Variants in RAD54L2 observed in about 807,000 individuals in gnomAD.
RAD54L2 encodes the protein helicase ARIP4.
A neutral mutation model predicts 138.4 loss-of-function variants in RAD54L2; 27 were observed. The ratio of observed to expected loss-of-function variants is 0.20; its 90% CI spans 0.14 to 0.27. The LOEUF (loss-of-function observed/expected upper bound fraction) is 0.27, where lower values mean the gene tolerates loss of function less well. Among genes scored for constraint, RAD54L2 ranks in the 10% least tolerant of loss-of-function variants. The pLI is 1.00. For synonymous variants in RAD54L2, 644 were observed against 723.2 expected (o/e 0.89, Z 1.76); for missense variants, 1,396 against 1,890.2 (o/e 0.74, Z 4.85).
chr3:51,621,518 C>CT (rs1171056496), intron 3 of RAD54L2, among the ~76,000 whole-genome samples: 1 of 152,188 alleles, frequency 6.6e-6, no homozygotes, highest in Non-Finnish European at 1.5e-5. Flanking sequence ...AGGTTCCATT[C>CT]TTTCTCCTCC....
intron 4 of RAD54L2, among the ~76,000 whole-genome samples, chr3:51,629,083 C>A (rs183391073): frequency 6.6e-6 from 1 of 152,226 alleles, no homozygotes; most frequent in Non-Finnish European, 1.5e-5. Flanking sequence ...TATTCTTGAT[C>A]TGTTATGTGG....
rs145704522 is a variant in RAD54L2, at chr3:51,588,493, C to T, written c.-54-1874C>T. 6.0e-4 allele frequency among the ~76,000 whole-genome samples: 85 copies of T among 141,958 alleles called. 1 individual carries two copies. Among genetic ancestry groups the T allele is most frequent in the African/African-American group, 1.5e-3 (58 of 39,282 alleles). 93.1% of individuals were successfully genotyped at this position (141,958 alleles called of 152,430 possible). On this transcript the variant is annotated intron_variant, in intron 2 of 22. Transcript: ENST00000684192. Reference sequence around the variant, plus strand: ...GAGGTTGCAGTGAGCTGAGATCGTGCCACTGCATGCCAGCCTGGGTGACAG... The same window carrying T: ...GAGGTTGCAGTGAGCTGAGATCGTGTCACTGCATGCCAGCCTGGGTGACAG...
rs962950198 is a variant in RAD54L2 at position 51,538,810 on chromosome 3, C to T, written c.-222C>T. On this transcript the variant is annotated 5_prime_UTR_variant, in exon 1 of 23. Coordinates refer to ENST00000684192, the MANE Select transcript of RAD54L2 (RefSeq NM_015106.4). ...GGCCGGCTGCTTCCCGCCTCAGCCG[C>T]CGCCCCCGCCTCCGCCGCCGCAGAC... Among the ~76,000 whole-genome samples the T allele has an allele frequency of 6.6e-6, 1 of 151,878 alleles. No homozygotes were observed. The highest frequency in any genetic ancestry group is 1.5e-5 in the Non-Finnish European group (1 of 67,916).
At position 51,571,723 on chromosome 3, in the gene RAD54L2, C is replaced by T. The variant is rs1699342135; in HGVS notation, c.-54-18644C>T. 2.0e-5 allele frequency among the ~76,000 whole-genome samples: 3 copies of T among 152,124 alleles called. No homozygotes were observed. The South Asian group carries it at 6.2e-4, about 32-fold the overall frequency. On this transcript the variant is annotated intron_variant, in intron 2 of 22. Transcript: ENST00000684192. Reference sequence around the variant, plus strand: ...GGACATGCATAGTCGGTTATGTGTACATGTACGCATGCACACGCACATGGC... The same window carrying T: ...GGACATGCATAGTCGGTTATGTGTATATGTACGCATGCACACGCACATGGC...
At position 51,657,969 on chromosome 3, in the gene RAD54L2, G is replaced by C. The variant is rs1374618149; in HGVS notation, c.3316+300G>C. On this transcript the variant is annotated intron_variant, in intron 21 of 22. Transcript: ENST00000684192. ...GAGATGGAGTCTTGCTCTGTCGCCAGGCTGGAGTGCAGTTGCGTGATCTCG... is the reference window on the plus strand; with the variant it reads ...GAGATGGAGTCTTGCTCTGTCGCCACGCTGGAGTGCAGTTGCGTGATCTCG... Among the ~76,000 whole-genome samples the C allele has an allele frequency of 3.8e-5, 5 of 132,786 alleles. No individual in the cohort carries two copies. The East Asian group carries it at 7.2e-4, about 19-fold the overall frequency. 87.1% of individuals were successfully genotyped at this position (132,786 alleles called of 152,430 possible). A position where few individuals can be genotyped will look rare whatever the true frequency, so the allele number is the denominator to read the frequency against.
intron 3 of RAD54L2, among the ~76,000 whole-genome samples, chr3:51,612,704 A>G (rs1466207033): frequency 6.6e-6 from 1 of 152,098 alleles, no homozygotes; most frequent in African/African-American, 2.4e-5. Context: ...AAAAAAAAAA[A>G]AAAAACCTGT....
intron 2 of RAD54L2, among the ~76,000 whole-genome samples, chr3:51,556,201 T>C (rs1325795904): frequency 1.3e-5 from 2 of 152,174 alleles, no homozygotes; most frequent in African/African-American, 4.8e-5. Context: ...CCTTCTTCTT[T>C]CTGTCCTCCT....
intron 5 of RAD54L2, 24 bp downstream of exon 5, chr3:51,629,497 A>G (rs1577438958): frequency 6.2e-7 from 1 of 1,609,186 alleles, no homozygotes; most frequent in Non-Finnish European, 8.5e-7. Context: ...ATGGCAGGGA[A>G]GGCCCTTTGC....
intron 19 of RAD54L2, among the ~76,000 whole-genome samples, chr3:51,648,679 C>T (rs569361109): frequency 1.1e-4 from 17 of 152,300 alleles, no homozygotes; most frequent in African/African-American, 3.4e-4. Context: ...TGGAGTGGAC[C>T]TCCAGCAAAC....
intron 3 of RAD54L2, among the ~76,000 whole-genome samples, chr3:51,604,449 C>A (rs62259675): frequency 6.6e-6 from 1 of 151,014 alleles, no homozygotes; most frequent in Non-Finnish European, 1.5e-5. Flanking sequence ...CTATTTTGTT[C>A]CCACATAGCT....
chr3:51,662,423 C>T lies in RAD54L2; in HGVS notation c.3410-3C>T, dbSNP rs1210339458. 3 of 1,511,954 alleles carry T rather than the reference C, an allele frequency of 2.0e-6. No individual in the cohort carries two copies. The highest frequency in any genetic ancestry group is 1.8e-6 in the Non-Finnish European group (2 of 1,128,566). The allele number at this position is 1,511,954 out of a possible 1,614,324, so 93.7% of individuals were successfully genotyped here. A position where few individuals can be genotyped will look rare whatever the true frequency, so the allele number is the denominator to read the frequency against. On this transcript the variant is annotated splice_region_variant and splice_polypyrimidine_tract_variant and intron_variant, in intron 22 of 22. Transcript: ENST00000684192. This position sits in a 1 kb window ranked among gnomAD's most constrained non-coding sequence, Gnocchi z 4.6. ...TTCTCAGTTAACTACATTTTGTCCC[C>T]AGGTTCCCAGGGACCTTCTTGCGAG...
chr3:51,561,177 GT>G (rs1308709369), intron 2 of RAD54L2, among the ~76,000 whole-genome samples: 5 of 152,162 alleles, frequency 3.3e-5, no homozygotes, highest in African/African-American at 1.2e-4. Context: ...TTATGCTTTA[GT>G]AATACAGACT....
At chr3:51,599,177 C>T (rs1353072245) in intron 3 of RAD54L2, among the ~76,000 whole-genome samples, 4 of 152,106 alleles carry the variant, frequency 2.6e-5, no homozygotes, top group African/African-American at 9.7e-5. Flanking sequence ...AATCTCCACA[C>T]ATTTGGTCAC....
chr3:51,656,987 T>C (rs2093488650), intron 20 of RAD54L2, among the ~76,000 whole-genome samples: 1 of 152,218 alleles, frequency 6.6e-6, no homozygotes, highest in Non-Finnish European at 1.5e-5. Context: ...TCCACCCGCC[T>C]TGGCCTCCCA....
chr3:51,589,683 TACACAC>T (rs34544597), intron 2 of RAD54L2, among the ~76,000 whole-genome samples: 5 of 144,864 alleles, frequency 3.5e-5, no homozygotes, highest in African/African-American at 7.6e-5. Context: ...TATATATATA[TACACAC>T]ACACACACAC....
In RAD54L2 at chr3:51,646,331, A is replaced by T; in HGVS notation, c.2876A>T (p.Lys959Met). ...TTGCTCTTGAACCGAAAGGATCACA[A>T]GCTAACCAAGGCTGAGAAAAAAGCA... ...ESLLLNRKDH[K>M]LTKAEKKAAK... Residue 959 changes from lysine (K) to methionine (M), a missense_variant, in exon 19 of 23, where the codon AAG becomes ATG. Physicochemically the swap from Lys to Met is moderately conservative, Grantham distance 95. Around this residue, in one of 7 missense-constraint regions of RAD54L2, gnomAD observed 634 missense variants for 711.2 expected, o/e 0.89. Coordinates refer to ENST00000684192, the MANE Select transcript of RAD54L2 (RefSeq NM_015106.4). The T allele has an allele frequency of 6.2e-7, 1 of 1,606,310 alleles. No individual in the cohort carries two copies. Among genetic ancestry groups the T allele is most frequent in the Non-Finnish European group, 8.5e-7 (1 of 1,176,536 alleles).
At chr3:51,649,904 C>T (rs1375554701) in intron 19 of RAD54L2, among the ~76,000 whole-genome samples, 1 of 152,100 alleles carries the variant, frequency 6.6e-6, no homozygotes, top group Non-Finnish European at 1.5e-5. Flanking sequence ...CAGCAAACAT[C>T]ATAATGATAG....
intron 19 of RAD54L2, among the ~76,000 whole-genome samples, chr3:51,653,473 C>T (rs1025240500): frequency 5.9e-5 from 9 of 152,232 alleles, no homozygotes; most frequent in Admixed American, 5.9e-4. Flanking sequence ...TATAAAGACA[C>T]ATGCACATGT....
intron 2 of RAD54L2, among the ~76,000 whole-genome samples, chr3:51,573,611 A>G (rs1412336308): frequency 9.9e-5 from 15 of 152,084 alleles, no homozygotes; most frequent in Admixed American, 9.2e-4. Flanking sequence ...AGGTGGGACT[A>G]TAGGTGCGCC....
Sources: allele counts gnomAD v4.1 joint callset (sites outside exome capture counted in the v4.1 genomes callset), GRCh38; gene constraint gnomAD v4.1.1; regional missense constraint gnomAD v4.1.1; non-coding constraint Gnocchi (gnomAD v3.1); transcripts MANE v1.5; gene names NCBI Gene and HGNC (gene_info 2026-07-23, HGNC 2026-07-21).